STXBP6: variants seen among roughly 807,000 people sequenced by gnomAD.
STXBP6 encodes syntaxin binding protein 6.
STXBP6 carries 21 observed loss-of-function variants against 26.9 expected under a neutral mutation model. That is an observed-to-expected ratio of 0.78 (90% CI 0.55 to 1.12). STXBP6 has a LOEUF of 1.12. STXBP6 is among the 50% of genes most tolerant of loss of function. The pLI is 0.00. For missense variants in STXBP6, 232 were observed against 257.9 expected (o/e 0.90, Z 0.69); for synonymous variants, 97 against 92.6 (o/e 1.05, Z -0.27).
At chr14:24,984,710 G>A (rs2074289231) in intron 1 of STXBP6, among the ~76,000 whole-genome samples, 1 of 152,168 alleles carries the variant, frequency 6.6e-6, no homozygotes, top group African/African-American at 2.4e-5. Context: ...CTCAAATTCT[G>A]ACATAAGAGA....
chr14:24,862,103 T>C (rs1332021077), intron 2 of STXBP6, among the ~76,000 whole-genome samples: 1 of 152,176 alleles, frequency 6.6e-6, no homozygotes. Context: ...GCTCAAGCGA[T>C]CCTCCCTCAT....
chr14:24,885,167 AGTTTCTGT>A (rs2070529958), intron 2 of STXBP6, among the ~76,000 whole-genome samples: 4 of 152,148 alleles, frequency 2.6e-5, no homozygotes, highest in Non-Finnish European at 5.9e-5. Context: ...AGGACCATAA[AGTTTCTGT>A]GATATTTCTA....
chr14:25,045,455 T>C (rs914445069), intron 1 of STXBP6, among the ~76,000 whole-genome samples: 2 of 152,142 alleles, frequency 1.3e-5, no homozygotes, highest in African/African-American at 2.4e-5. Context: ...CTGGACAGCA[T>C]TGAGTAGAAA....
intron 2 of STXBP6, among the ~76,000 whole-genome samples, chr14:24,934,538 A>G (rs752704698): frequency 2.6e-5 from 4 of 152,228 alleles, no homozygotes; most frequent in Non-Finnish European, 4.4e-5. Flanking sequence ...CAGACATTCC[A>G]TGATGACATC....
chr14:25,020,222 T>C (rs1013196682), intron 1 of STXBP6, among the ~76,000 whole-genome samples: 11 of 152,276 alleles, frequency 7.2e-5, no homozygotes, highest in Admixed American at 2.0e-4. Context: ...GAGAACCAAA[T>C]TATCCCAGCA....
At chr14:24,894,550 G>A (rs1215281314) in intron 2 of STXBP6, among the ~76,000 whole-genome samples, 1 of 152,160 alleles carries the variant, frequency 6.6e-6, no homozygotes. Flanking sequence ...CTGATGAGAA[G>A]AGCCCTAAGC....
chr14:25,003,918 G>T (rs1373929416), intron 1 of STXBP6, among the ~76,000 whole-genome samples: 1 of 152,200 alleles, frequency 6.6e-6, no homozygotes, highest in Non-Finnish European at 1.5e-5. Context: ...AGCTCTCCCA[G>T]TTTAAGAAAT....
chr14:24,866,493 A>G (rs1385703734), intron 2 of STXBP6, among the ~76,000 whole-genome samples: 1 of 152,022 alleles, frequency 6.6e-6, no homozygotes, highest in Non-Finnish European at 1.5e-5. Context: ...CTGTTTCTGG[A>G]GAACCATGAC....
chr14:24,968,652 A>G (rs927175709), intron 2 of STXBP6, among the ~76,000 whole-genome samples: 2 of 152,264 alleles, frequency 1.3e-5, no homozygotes, highest in Admixed American at 1.3e-4. Context: ...TTTGGTATAA[A>G]ACTTCCATGG....
At chr14:25,017,631 G>A (rs1370646135) in intron 1 of STXBP6, among the ~76,000 whole-genome samples, 3 of 152,232 alleles carry the variant, frequency 2.0e-5, no homozygotes, top group Admixed American at 6.5e-5. Context: ...GATTAAGGGT[G>A]GCCTTGGGCC....
chr14:24,950,839 C>T (rs1165546292), intron 2 of STXBP6, among the ~76,000 whole-genome samples: 1 of 152,120 alleles, frequency 6.6e-6, no homozygotes, highest in Non-Finnish European at 1.5e-5. Context: ...GTTTGCTGCA[C>T]CCATCAACCC....
rs150138125 is a variant in STXBP6 at position 24,825,163 on chromosome 14, T to C, written c.452-5969A>G. ...TGGTATGCAGAGCTTCCCAAACATA[T>C]TTACTTATAGGGCTTTTTTGCCGAG... On this transcript the variant is annotated intron_variant, in intron 4 of 5. Transcript: ENST00000323944. Among the ~76,000 whole-genome samples the C allele has an allele frequency of 3.2e-3, 492 of 152,312 alleles. 8 individuals are homozygous for C. The highest frequency in any genetic ancestry group is 0.025 in the Admixed American group (378 of 15,286).
At chr14:24,844,651 T>G (rs1566403253) in intron 4 of STXBP6, among the ~76,000 whole-genome samples, 1 of 152,304 alleles carries the variant, frequency 6.6e-6, no homozygotes, top group South Asian at 2.1e-4. Flanking sequence ...CTAAAAACAA[T>G]AATTCAACGG....
intron 3 of STXBP6, 50 bp from the exon 4 acceptor site, chr14:24,856,151 G>C: frequency 6.7e-7 from 1 of 1,503,458 alleles, no homozygotes; most frequent in South Asian, 1.4e-5. Context: ...AAAAACTGCT[G>C]TTTCTAGATT....
intron 2 of STXBP6, among the ~76,000 whole-genome samples, chr14:24,884,894 A>G (rs962617090): frequency 2.6e-5 from 4 of 152,194 alleles, no homozygotes; most frequent in African/African-American, 9.7e-5. Context: ...GTAAAGTCAC[A>G]TGAGAAATAA....
At chr14:24,823,865 T>G (rs2068209849) in intron 4 of STXBP6, among the ~76,000 whole-genome samples, 1 of 152,238 alleles carries the variant, frequency 6.6e-6, no homozygotes, top group Admixed American at 6.5e-5. Flanking sequence ...TAGGGAGACC[T>G]ATTATATTTA....
chr14:25,026,676 T>A (rs1373065090), intron 1 of STXBP6, among the ~76,000 whole-genome samples: 1 of 152,198 alleles, frequency 6.6e-6, no homozygotes, highest in Non-Finnish European at 1.5e-5. Flanking sequence ...CATAACTTTT[T>A]CACATCCCTT....
intron 1 of STXBP6, among the ~76,000 whole-genome samples, chr14:24,987,634 A>T (rs2074366379): frequency 6.6e-6 from 1 of 152,224 alleles, no homozygotes; most frequent in Non-Finnish European, 1.5e-5. Flanking sequence ...GTCTCTACTG[A>T]CACATAAAGA....
chr14:24,818,155 A>G, intron 5 of STXBP6: 1 of 456,668 alleles, frequency 2.2e-6, no homozygotes. Context: ...TGACATGCCA[A>G]CACAAGTCAT....
Sources: allele counts gnomAD v4.1 joint callset (sites outside exome capture counted in the v4.1 genomes callset), GRCh38; gene constraint gnomAD v4.1.1; transcripts MANE v1.5; gene names NCBI Gene and HGNC (gene_info 2026-07-23, HGNC 2026-07-21).